Variants in MAGI1 observed in about 807,000 individuals in gnomAD.
MAGI1 encodes the protein membrane associated guanylate kinase, WW and PDZ domain containing 1, also known as membrane-associated guanylate kinase, WW and PDZ domain-containing protein 1.
A neutral mutation model predicts 139.9 loss-of-function variants in MAGI1; 58 were observed. That is an observed-to-expected ratio of 0.41 (90% CI 0.34 to 0.52). The LOEUF (loss-of-function observed/expected upper bound fraction) is 0.52, where lower values mean the gene tolerates loss of function less well. MAGI1 is among the 20% of genes least tolerant of loss of function. MAGI1 has a pLI of 0.12. For missense variants in MAGI1, 1,874 were observed against 1,901.6 expected, an observed-to-expected ratio of 0.99 and a Z score of 0.27; for synonymous variants, 812 against 737.9, an observed-to-expected ratio of 1.10 and a Z score of -1.63.
chr3:65,816,259 G>C (rs979643459), intron 1 of MAGI1, among the ~76,000 whole-genome samples: 2 of 151,236 alleles, frequency 1.3e-5, no homozygotes, highest in African/African-American at 4.9e-5. Flanking sequence ...CAAGGTTTTA[G>C]AAATCTCTAG....
chr3:65,594,176 C>T (rs1482572455), intron 2 of MAGI1, among the ~76,000 whole-genome samples: 1 of 152,128 alleles, frequency 6.6e-6, no homozygotes, highest in Non-Finnish European at 1.5e-5. Context: ...CAAAACCAAA[C>T]CAGATATCTA....
intron 1 of MAGI1, among the ~76,000 whole-genome samples, chr3:65,863,015 A>C (rs2059605661): frequency 6.6e-6 from 1 of 152,192 alleles, no homozygotes; most frequent in Non-Finnish European, 1.5e-5. Flanking sequence ...CTACTCTCCA[A>C]GCCCCTTTCT....
chr3:65,678,037 C>T (rs1451267517), intron 1 of MAGI1, among the ~76,000 whole-genome samples: 1 of 152,142 alleles, frequency 6.6e-6, no homozygotes, highest in Non-Finnish European at 1.5e-5. Context: ...ATGGATGAAG[C>T]TGGAAGCCAT....
chr3:65,441,922 C>T (rs556133062), intron 8 of MAGI1, among the ~76,000 whole-genome samples: 2 of 152,270 alleles, frequency 1.3e-5, no homozygotes, highest in South Asian at 4.1e-4. Context: ...AATGACTTTT[C>T]ATCACCAGCA....
At position 65,920,305 on chromosome 3, in the gene MAGI1, AT is replaced by A. The variant is rs2062114400; in HGVS notation, c.313+117690del. ...TTTCTCAAAGACCCCTGTGATAGTC[AT>A]TAAAAACAGTGATATTAAAAAACAA... On this transcript the variant is annotated intron_variant, in intron 1 of 22. Transcript: ENST00000402939. 4.6e-5 allele frequency among the ~76,000 whole-genome samples: 7 copies of A among 152,330 alleles called. No individual in the cohort carries two copies. In the South Asian group the frequency reaches 1.5e-3, roughly 32 times the overall value.
At chr3:66,017,780 C>T (rs2067734587) in intron 1 of MAGI1, among the ~76,000 whole-genome samples, 1 of 152,108 alleles carries the variant, frequency 6.6e-6, no homozygotes, top group African/African-American at 2.4e-5. Flanking sequence ...CACTTTCATA[C>T]ATGAAGCCCA....
At chr3:65,430,598 T>C in intron 11 of MAGI1, 101 bp downstream of exon 11, 1 of 1,247,026 alleles carries the variant, frequency 8.0e-7, no homozygotes, top group Non-Finnish European at 1.1e-6. Context: ...ATCATGACGT[T>C]GCTTGGTCTT....
chr3:65,771,622 T>A (rs2037962162), intron 1 of MAGI1, among the ~76,000 whole-genome samples: 1 of 152,234 alleles, frequency 6.6e-6, no homozygotes, highest in Non-Finnish European at 1.5e-5. Flanking sequence ...TATTTGCTAT[T>A]TAGCTTATAA....
intron 1 of MAGI1, among the ~76,000 whole-genome samples, chr3:65,957,823 C>T (rs1693990850): frequency 6.6e-6 from 1 of 152,006 alleles, no homozygotes; most frequent in Non-Finnish European, 1.5e-5. Context: ...AGCTGGAGTA[C>T]AGTGGTATGA....
chr3:65,407,869 T>C (rs939132245), intron 12 of MAGI1, among the ~76,000 whole-genome samples: 2 of 152,222 alleles, frequency 1.3e-5, no homozygotes, highest in African/African-American at 2.4e-5. Context: ...TGGCACATAC[T>C]GGCCTTAGCG....
At chr3:65,532,263 C>T (rs943500209) in intron 2 of MAGI1, among the ~76,000 whole-genome samples, 1 of 152,184 alleles carries the variant, frequency 6.6e-6, no homozygotes, top group Non-Finnish European at 1.5e-5. Context: ...GATCTCACTC[C>T]TGCTTTCTTC....
intron 1 of MAGI1, among the ~76,000 whole-genome samples, chr3:65,975,904 C>T (rs910041342): frequency 2.0e-5 from 3 of 152,120 alleles, no homozygotes; most frequent in African/African-American, 7.2e-5. Context: ...TGTACTAATA[C>T]AAAATACTTC....
intron 1 of MAGI1, among the ~76,000 whole-genome samples, chr3:65,634,560 T>C (rs997071104): frequency 2.6e-5 from 4 of 152,186 alleles, no homozygotes; most frequent in African/African-American, 9.6e-5. Flanking sequence ...AGTTCCCTAA[T>C]CTATCAGGTG....
At chr3:66,029,084 C>G (rs1429802788) in intron 1 of MAGI1, among the ~76,000 whole-genome samples, 1 of 152,152 alleles carries the variant, frequency 6.6e-6, no homozygotes, top group African/African-American at 2.4e-5. Flanking sequence ...AGGGGGAAAC[C>G]TGGCACAAAG....
At chr3:65,942,777 G>C (rs998276739) in intron 1 of MAGI1, among the ~76,000 whole-genome samples, 1 of 152,182 alleles carries the variant, frequency 6.6e-6, no homozygotes, top group Non-Finnish European at 1.5e-5. Flanking sequence ...CTACACTTTA[G>C]TAGGAGGCCA....
Position 65,422,856 on chromosome 3 carries a change from G to A in MAGI1, c.2167+6664C>T, listed in dbSNP as rs187433631. Among the ~76,000 whole-genome samples, 5 of 152,274 alleles carry A rather than the reference G, an allele frequency of 3.3e-5. No individual in the cohort carries two copies. In the East Asian group the frequency reaches 7.7e-4, roughly 24 times the overall value. On this transcript the variant is annotated intron_variant, in intron 12 of 22. Coordinates refer to ENST00000402939, the MANE Select transcript of MAGI1 (RefSeq NM_001033057.2). Reference sequence around the variant, plus strand: ...AAGAAAAATACAGACAGAAGGAGATGTAAGTGCTAGGGCCCTGACACAGGA... The same window carrying A: ...AAGAAAAATACAGACAGAAGGAGATATAAGTGCTAGGGCCCTGACACAGGA...
At chr3:65,511,253 G>C (rs1290792500) in intron 2 of MAGI1, among the ~76,000 whole-genome samples, 1 of 145,492 alleles carries the variant, frequency 6.9e-6, no homozygotes, top group South Asian at 2.1e-4. Flanking sequence ...CAACTAATGA[G>C]CAAAATAACC....
chr3:65,477,352 A>G (rs1950949139), intron 4 of MAGI1, among the ~76,000 whole-genome samples: 1 of 152,200 alleles, frequency 6.6e-6, no homozygotes. Flanking sequence ...ACAGGGGAAA[A>G]CAGTCCACTC....
chr3:65,455,148 T>C (rs1402722309), intron 5 of MAGI1, among the ~76,000 whole-genome samples: 1 of 152,126 alleles, frequency 6.6e-6, no homozygotes. Flanking sequence ...TAGATTCACA[T>C]TCAGTTAAAA....
Sources: allele counts gnomAD v4.1 joint callset (sites outside exome capture counted in the v4.1 genomes callset), GRCh38; gene constraint gnomAD v4.1.1; transcripts MANE v1.5; gene names NCBI Gene and HGNC (gene_info 2026-07-23, HGNC 2026-07-21).